PSG4: variants seen among roughly 807,000 people sequenced by gnomAD.
PSG4 encodes pregnancy-specific beta-1-glycoprotein 4.
PSG4 carries 61 observed loss-of-function variants against 44.3 expected under a neutral mutation model. The observed-to-expected ratio is 1.38, with a 90% CI of 1.12 to 1.70. The LOEUF (loss-of-function observed/expected upper bound fraction) is 1.70, where lower values mean the gene tolerates loss of function less well. Ranked by LOEUF, PSG4 falls within the 40% of genes most tolerant of loss-of-function variation. The pLI is 0.00. For missense variants in PSG4, 677 were observed against 511.7 expected, an observed-to-expected ratio of 1.32 and a Z score of -3.12; for synonymous variants, 248 against 191.3, an observed-to-expected ratio of 1.30 and a Z score of -2.45.
chr19:43,199,264 T>C (rs1471856443), intron 2 of PSG4, among the ~76,000 whole-genome samples: 1 of 144,894 alleles, frequency 6.9e-6, no homozygotes, highest in African/African-American at 2.7e-5. Flanking sequence ...GTACCTCATA[T>C]AAGTGGATTC....
At position 43,203,946 on chromosome 19, in the gene PSG4, T is replaced by A; in HGVS notation, c.370A>T (p.Ile124Phe). The change falls in exon 2 of 6, where the codon ATC becomes TTC. Residue 124 changes from isoleucine to phenylalanine, a missense_variant. Transcript: ENST00000405312. ...CCAGTCCCATCGCGTCGCTTTATGATGTGTAAGGTGTAGGATCCTGCATCC... is the reference window on the plus strand; with the variant it reads ...CCAGTCCCATCGCGTCGCTTTATGAAGTGTAAGGTGTAGGATCCTGCATCC... ...QEDAGSYTLH[I>F]IKRRDGTGGV... The A allele has an allele frequency of 6.3e-7, 1 of 1,586,978 alleles. No individual in the cohort carries two copies. The highest frequency in any genetic ancestry group is 1.1e-5 in the South Asian group (1 of 89,870).
At chr19:43,204,347 G>T in intron 1 of PSG4, 96 bp from the exon 2 acceptor site, 1 of 1,382,180 alleles carries the variant, frequency 7.2e-7, no homozygotes, top group South Asian at 1.4e-5. Flanking sequence ...CAGCCTTGAA[G>T]ACACACAAAC....
At chr19:43,201,173 C>A (rs1364436771) in intron 2 of PSG4, among the ~76,000 whole-genome samples, 1 of 145,658 alleles carries the variant, frequency 6.9e-6, no homozygotes, top group Non-Finnish European at 1.5e-5. Context: ...GGCTGGCTGT[C>A]CTCACTCGTT....
Position 43,193,089 on chromosome 19 carries a change from T to C in PSG4, c.*283A>G. ...CATGAGCAAGGACGGTTAAGAGGGG[T>C]GGGAGCCTTATCATGATGGGGAGTC... On this transcript the variant is annotated 3_prime_UTR_variant, in exon 6 of 6. Coordinates refer to ENST00000405312, the MANE Select transcript of PSG4 (RefSeq NM_002780.5). The C allele has an allele frequency of 6.4e-6, 4 of 624,474 alleles. No homozygotes were observed. In the East Asian group the frequency reaches 1.1e-4, roughly 17 times the overall value. The allele number at this position is 624,474 out of a possible 1,614,324, so 38.7% of individuals were successfully genotyped here.
At chr19:43,205,352 C>T in intron 1 of PSG4, 121 bp downstream of exon 1, 1 of 1,224,316 alleles carries the variant, frequency 8.2e-7, no homozygotes. Flanking sequence ...CCTGATCCAC[C>T]CAACTCAGCC....
At position 43,193,342 on chromosome 19, in the gene PSG4, A is replaced by G; in HGVS notation, c.*30T>C. 1.3e-6 allele frequency: 1 copy of G among 775,358 alleles called. No individual in the cohort carries two copies. Among genetic ancestry groups the G allele is most frequent in the Non-Finnish European group, 2.4e-6 (1 of 417,614 alleles). 48.0% of individuals were successfully genotyped at this position (775,358 alleles called of 1,614,324 possible). A position where few individuals can be genotyped will look rare whatever the true frequency, so the allele number is the denominator to read the frequency against. ...GTCTTGCTCTTCGTGATTCCATGGG[A>G]GAAAATGGAATTGGAGGAACTAGTA... On this transcript the variant is annotated 3_prime_UTR_variant, in exon 6 of 6. Coordinates refer to ENST00000405312, the MANE Select transcript of PSG4 (RefSeq NM_002780.5).
Position 43,193,239 on chromosome 19 carries a change from G to T in PSG4, c.*133C>A, listed in dbSNP as rs546254579. 3.9e-6 allele frequency: 3 copies of T among 764,976 alleles called. No homozygotes were observed. The highest frequency in any genetic ancestry group is 7.2e-6 in the Non-Finnish European group (3 of 417,334). The allele number at this position is 764,976 out of a possible 1,614,324, so 47.4% of individuals were successfully genotyped here. On this transcript the variant is annotated 3_prime_UTR_variant, in exon 6 of 6. Coordinates refer to ENST00000405312, the MANE Select transcript of PSG4 (RefSeq NM_002780.5). ...TTGGTGAGTTCTGAGTGGCTCACAT[G>T]TCAGGTACAAGGGTTTTCCCATGAA...
chr19:43,201,892 C>T lies in PSG4; in HGVS notation c.430+1994G>A, dbSNP rs188780631. ...CAATTATGAGTGGATGGAGGAACTG[C>T]CTATCCCTGTCCCATTGTCTTGTCC... On this transcript the variant is annotated intron_variant, in intron 2 of 5. Transcript: ENST00000405312. Among the ~76,000 whole-genome samples, 22 of 144,386 alleles carry T rather than the reference C, an allele frequency of 1.5e-4. 2 individuals carry two copies. The highest frequency in any genetic ancestry group is 6.6e-4 in the South Asian group (3 of 4,564). The allele number at this position is 144,386 out of a possible 152,430, so 94.7% of individuals were successfully genotyped here. A position where few individuals can be genotyped will look rare whatever the true frequency, so the allele number is the denominator to read the frequency against.
Position 43,192,969 on chromosome 19 carries a change from T to G in PSG4, c.*403A>C, listed in dbSNP as rs989593514. On this transcript the variant is annotated 3_prime_UTR_variant, in exon 6 of 6. Transcript: ENST00000405312. ...GAGATGTTACGTAAAAGTTTGAGGT[T>G]GAGATGACATATCTGACACTCTGTT... 8.4e-6 allele frequency: 4 copies of G among 476,516 alleles called. No individual in the cohort carries two copies. The highest frequency in any genetic ancestry group is 1.5e-5 in the Non-Finnish European group (4 of 267,042). 29.5% of individuals were successfully genotyped at this position (476,516 alleles called of 1,614,324 possible).
At position 43,197,692 on chromosome 19, in the gene PSG4, G is replaced by A. The variant is rs918537369; in HGVS notation, c.709+305C>T. 7.5e-5 allele frequency: 36 copies of A among 483,176 alleles called. 2 individuals carry two copies. Among genetic ancestry groups the A allele is most frequent in the Middle Eastern group, 5.6e-4 (1 of 1,774 alleles). 29.9% of individuals were successfully genotyped at this position (483,176 alleles called of 1,614,324 possible). On this transcript the variant is annotated intron_variant, in intron 3 of 5. Transcript: ENST00000405312. ...CCACAGTGACCCTGTGAGCCAAGTC[G>A]CAACACTGAAGTCCCAGCCAAATCC...
At chr19:43,195,436 G>A (rs1967200585) in intron 3 of PSG4, among the ~76,000 whole-genome samples, 163 bp from the exon 4 acceptor site, 2 of 151,416 alleles carry the variant, frequency 1.3e-5, no homozygotes, top group South Asian at 4.2e-4. Context: ...TGATCTAAGG[G>A]CTCAAAGACT....
chr19:43,198,489 T>G (rs1336532806), intron 2 of PSG4: 2 of 911,568 alleles, frequency 2.2e-6, no homozygotes, highest in Non-Finnish European at 1.5e-6. Context: ...CAGACTTTCT[T>G]AGGTGTGAAT....
intron 5 of PSG4, 55 bp downstream of exon 5, chr19:43,194,285 T>A (rs1013741602): frequency 1.2e-6 from 2 of 1,611,100 alleles, no homozygotes; most frequent in East Asian, 2.2e-5. Context: ...CTTCCCTGAA[T>A]GCCAGATAGA....
In PSG4 at chr19:43,195,121, G is replaced by A. The variant is rs775914753; in HGVS notation, c.862C>T (p.Arg288Ter). 7.5e-6 allele frequency: 12 copies of A among 1,610,628 alleles called. No homozygotes were observed. The highest frequency in any genetic ancestry group is 2.1e-4 in the Middle Eastern group (1 of 4,688). ...ATGAGGATCCTGTTTTCAATGGGTC[G>A]CTTTACCCTGGGACTGACAGGGAGG... is the stretch of plus-strand genomic sequence containing the variant. ...QSLPVSPRVK[R>*]PIENRILILP... is the part of the protein sequence containing the mutation. Residue 288 changes from arginine (R) to a stop codon, truncating the protein, a stop_gained, in exon 4 of 6, where the codon CGA becomes TGA. Transcript: ENST00000405312. LOFTEE classifies it high-confidence loss of function.
intron 1 of PSG4, 40 bp from the exon 2 acceptor site, chr19:43,204,291 T>G (rs1255017387): frequency 4.0e-6 from 6 of 1,516,376 alleles, no homozygotes; most frequent in African/African-American, 3.0e-5. Context: ...TTGAGACCTA[T>G]GTATTGGGGT....
At chr19:43,199,887 G>A (rs1967426390) in intron 2 of PSG4, among the ~76,000 whole-genome samples, 1 of 145,330 alleles carries the variant, frequency 6.9e-6, no homozygotes, top group Non-Finnish European at 1.5e-5. Context: ...AAAGAAAGAT[G>A]CCAAAGGTGA....
At position 43,203,975 on chromosome 19, in the gene PSG4, T is replaced by G. The variant is rs745918170; in HGVS notation, c.341A>C (p.Gln114Pro). Residue 114 changes from glutamine (Q) to proline (P), a missense_variant, in exon 2 of 6, where the codon CAG becomes CCG. Physicochemically the swap from Gln to Pro is moderately conservative, Grantham distance 76 (BLOSUM62 -1). Coordinates refer to ENST00000405312, the MANE Select transcript of PSG4 (RefSeq NM_002780.5). ...NASLLIQNVT[Q>P]EDAGSYTLHI... The stretch of plus-strand genomic sequence containing the variant: ...TAAGGTGTAGGATCCTGCATCCTCC[T>G]GCGTGACATTCTGGATCAGCAGGGA... 7 of 1,587,876 alleles carry G rather than the reference T, an allele frequency of 4.4e-6. 1 individual carries two copies. The highest frequency in any genetic ancestry group is 6.0e-6 in the Non-Finnish European group (7 of 1,171,694).
Position 43,198,402 on chromosome 19 carries a change from G to A in PSG4, c.431-127C>T, listed in dbSNP as rs1967354482. The A allele has an allele frequency of 5.6e-6, 8 of 1,428,976 alleles. 1 individual carries two copies. The highest frequency in any genetic ancestry group is 6.5e-6 in the Non-Finnish European group (7 of 1,076,688). The allele number at this position is 1,428,976 out of a possible 1,614,324, so 88.5% of individuals were successfully genotyped here. On this transcript the variant is annotated intron_variant, in intron 2 of 5. Coordinates refer to ENST00000405312, the MANE Select transcript of PSG4 (RefSeq NM_002780.5). ...AAGTCCTTAAAAGCCCATGGAAGATGTGTGTGTTAAAGACAGATGCATGGC... is the reference window on the plus strand; with the variant it reads ...AAGTCCTTAAAAGCCCATGGAAGATATGTGTGTTAAAGACAGATGCATGGC...
chr19:43,193,739 G>A, intron 5 of PSG4: 1 of 536,564 alleles, frequency 1.9e-6, no homozygotes, highest in African/African-American at 1.9e-5. Flanking sequence ...AGTTCATATT[G>A]GTTCATTCTA....
Sources: allele counts gnomAD v4.1 joint callset (sites outside exome capture counted in the v4.1 genomes callset), GRCh38; gene constraint gnomAD v4.1.1; transcripts MANE v1.5; gene names NCBI Gene and HGNC (gene_info 2026-07-23, HGNC 2026-07-21).